The following PLAC1 variants were observed in gnomAD, a reference collection of about 807,000 sequenced individuals.
PLAC1 encodes the protein placenta associated 1.
For missense variants in PLAC1, 136 were observed against 163.2 expected (o/e 0.83, Z 0.91); for synonymous variants, 68 against 62.1 (o/e 1.09, Z -0.44).
chrX:134,662,512 T>G (rs774701128), upstream of PLAC1, among the ~76,000 whole-genome samples: 2 of 112,509 alleles, frequency 1.8e-5, no homozygotes, highest in Non-Finnish European at 3.7e-5. Flanking sequence ...TCTATTGTTG[T>G]GTTGATTGTC....
chrX:134,661,859 C>T (rs1054804842), upstream of PLAC1, among the ~76,000 whole-genome samples: 1 of 112,047 alleles, frequency 8.9e-6, no homozygotes, highest in African/African-American at 3.2e-5. Flanking sequence ...TTACAAGAGA[C>T]AAATTAATTT....
At chrX:134,759,842 C>T (rs1417794486) in intron 1 of PLAC1, among the ~76,000 whole-genome samples, 1 of 111,916 alleles carries the variant, frequency 8.9e-6, no homozygotes, top group East Asian at 2.8e-4. Context: ...AATGTTCTTA[C>T]TTATATGTGG....
At chrX:134,730,956 C>T (rs2078687306) in intron 2 of PLAC1, among the ~76,000 whole-genome samples, 1 of 111,108 alleles carries the variant, frequency 9.0e-6, no homozygotes, top group Admixed American at 9.6e-5. Context: ...GTCTTTCTGG[C>T]CCTTCCTCTC....
At chrX:134,586,507 G>A (rs1015215773) in intron 2 of PLAC1, among the ~76,000 whole-genome samples, 4 of 110,984 alleles carry the variant, frequency 3.6e-5, no homozygotes, top group Admixed American at 9.6e-5. Flanking sequence ...CCGAGGGGCC[G>A]TGAAGCCACC....
intron 2 of PLAC1, among the ~76,000 whole-genome samples, chrX:134,684,433 A>C (rs1229842126): frequency 2.1e-5 from 2 of 94,104 alleles, no homozygotes; most frequent in East Asian, 3.2e-4. Context: ...AAAAAAAAAA[A>C]CACTCTAGGT....
chrX:134,609,094 T>G (rs2078139651), intron 1 of PLAC1, among the ~76,000 whole-genome samples: 1 of 110,929 alleles, frequency 9.0e-6, no homozygotes, highest in African/African-American at 3.3e-5. Flanking sequence ...TTCCTCAGCC[T>G]CTCAAAGTGT....
At chrX:134,672,011 C>T (rs142889628) in intron 2 of PLAC1, among the ~76,000 whole-genome samples, 1,923 of 111,356 alleles carry the variant, frequency 0.017, 22 homozygotes, top group Non-Finnish European at 0.027. Context: ...AATGGAAACC[C>T]CAGGAGGGCA....
At chrX:134,567,920 C>G (rs1370963674) in intron 2 of PLAC1, among the ~76,000 whole-genome samples, 2 of 111,524 alleles carry the variant, frequency 1.8e-5, no homozygotes, top group Non-Finnish European at 3.8e-5. Flanking sequence ...TTTATTTTCT[C>G]TAGCTTTTTA....
intron 2 of PLAC1, among the ~76,000 whole-genome samples, chrX:134,574,897 C>T (rs758590231): frequency 9.0e-6 from 1 of 111,572 alleles, no homozygotes; most frequent in South Asian, 3.8e-4. Context: ...TGGACTTAGC[C>T]CTGAGGTTGT....
At chrX:134,692,694 T>C (rs2147822647) in intron 2 of PLAC1, among the ~76,000 whole-genome samples, 1 of 112,021 alleles carries the variant, frequency 8.9e-6, no homozygotes, top group African/African-American at 3.2e-5. Context: ...TAATCAATCA[T>C]TGAGTTAACT....
intron 1 of PLAC1, among the ~76,000 whole-genome samples, chrX:134,603,559 C>T (rs112032545): frequency 0.034 from 3,598 of 105,097 alleles, 188 homozygotes; most frequent in African/African-American, 0.12. Flanking sequence ...TGGTCTCGAT[C>T]CCCTGACCTC....
At chrX:134,750,558 C>G (rs1366686503) in intron 1 of PLAC1, among the ~76,000 whole-genome samples, 2 of 107,557 alleles carry the variant, frequency 1.9e-5, no homozygotes, top group African/African-American at 6.8e-5. Flanking sequence ...CTACTCTGCT[C>G]TAGAATTCAT....
In PLAC1 at chrX:134,714,319, C is replaced by T. The variant is rs181098447; in HGVS notation, n.174+19116G>A. 4.8e-4 allele frequency among the ~76,000 whole-genome samples: 52 copies of T among 108,755 alleles called. No individual in the cohort carries two copies. In the East Asian group the frequency reaches 0.013, roughly 26 times the overall value. The allele number at this position is 108,755 out of a possible 115,157, so 94.4% of individuals were successfully genotyped here. A position where few individuals can be genotyped will look rare whatever the true frequency, so the allele number is the denominator to read the frequency against. On this transcript the variant is annotated intron_variant and non_coding_transcript_variant, in intron 2 of 2. Transcript: ENST00000466797. ...CTCTCCTGCTTCTCTCTCTCTCTATCCCCCCATCCCTCTCCCTCTCTCTCT... is the reference window on the plus strand; with the variant it reads ...CTCTCCTGCTTCTCTCTCTCTCTATTCCCCCATCCCTCTCCCTCTCTCTCT...
chrX:134,740,943 C>T (rs776176031), intron 1 of PLAC1, among the ~76,000 whole-genome samples: 6 of 111,763 alleles, frequency 5.4e-5, no homozygotes, highest in African/African-American at 1.3e-4. Context: ...TCTAGAACTG[C>T]GAAGGAATAC....
chrX:134,649,027 G>C (rs908885630), intron 1 of PLAC1, among the ~76,000 whole-genome samples: 9 of 111,522 alleles, frequency 8.1e-5, no homozygotes, highest in Admixed American at 3.8e-4. Context: ...CCAGAACTTT[G>C]GGAGGCCAAG....
chrX:134,655,482 TAAAC>T (rs1384238574), intron 1 of PLAC1, among the ~76,000 whole-genome samples: 1 of 111,731 alleles, frequency 9.0e-6, no homozygotes, highest in African/African-American at 3.3e-5. Context: ...GCTAAGAAAA[TAAAC>T]AATAATTCCT....
chrX:134,735,935 A>T (rs1418674272), intron 1 of PLAC1, among the ~76,000 whole-genome samples: 1 of 105,138 alleles, frequency 9.5e-6, no homozygotes, highest in East Asian at 3.0e-4. Flanking sequence ...AGAGCCCCCA[A>T]TGTCATATAA....
At chrX:134,666,721 A>G (rs1569401262) in intron 2 of PLAC1, among the ~76,000 whole-genome samples, 1 of 111,981 alleles carries the variant, frequency 8.9e-6, no homozygotes, top group Non-Finnish European at 1.9e-5. Flanking sequence ...GTTGGTGACC[A>G]CCATTTCCCT....
chrX:134,602,841 G>T (rs2078095112), intron 1 of PLAC1, among the ~76,000 whole-genome samples: 1 of 109,935 alleles, frequency 9.1e-6, no homozygotes, highest in African/African-American at 3.3e-5. Context: ...GAGGGGATTT[G>T]GGGGGTAATG....
Sources: allele counts gnomAD v4.1 joint callset (sites outside exome capture counted in the v4.1 genomes callset), GRCh38; gene constraint gnomAD v4.1.1; transcripts MANE v1.5; gene names NCBI Gene and HGNC (gene_info 2026-07-23, HGNC 2026-07-21).